The following CRACR2A variants were observed in gnomAD, a reference collection of about 807,000 sequenced individuals.
CRACR2A encodes the protein calcium release activated channel regulator 2A.
CRACR2A carries 79 observed loss-of-function variants against 90.5 expected under a neutral mutation model. The observed-to-expected ratio is 0.87, with a 90% CI of 0.73 to 1.05. The LOEUF (loss-of-function observed/expected upper bound fraction) is 1.05. Ranked by LOEUF, CRACR2A falls within the 50% of genes least tolerant of loss-of-function variation. The pLI is 0.00. For missense variants in CRACR2A, 823 were observed against 897.2 expected (o/e 0.92, Z 1.06); for synonymous variants, 338 against 356.7 (o/e 0.95, Z 0.59).
At chr12:3,737,932 C>A (rs1029653289) in intron 1 of CRACR2A, among the ~76,000 whole-genome samples, 6 of 152,236 alleles carry the variant, frequency 3.9e-5, no homozygotes, top group Non-Finnish European at 8.8e-5. Context: ...AAATAGGCCT[C>A]CTGAAAATCT....
chr12:3,701,042 A>T (rs555432833), intron 3 of CRACR2A, among the ~76,000 whole-genome samples: 3 of 152,186 alleles, frequency 2.0e-5, no homozygotes, highest in Admixed American at 6.5e-5. Flanking sequence ...TTAGAAACCA[A>T]TAACAGAGAG....
chr12:3,738,305 C>T (rs150514203), intron 1 of CRACR2A, among the ~76,000 whole-genome samples: 91 of 152,160 alleles, frequency 6.0e-4, no homozygotes, highest in African/African-American at 1.9e-3. Context: ...AAGGAATTCA[C>T]GGGCCAGGGG....
At position 3,633,986 on chromosome 12, in the gene CRACR2A, T is replaced by C. The variant is rs1944417708; in HGVS notation, c.1603-250A>G. On this transcript the variant is annotated intron_variant, in intron 14 of 19. Coordinates refer to ENST00000440314, the MANE Select transcript of CRACR2A (RefSeq NM_001144958.2). This position sits in a 1 kb window ranked among gnomAD's most constrained non-coding sequence, Gnocchi z 4.5. ...ACCCAAGCGACATTTGCTGTCTGCCTCCTGTGGCAGGGAGGCAGAGGCCAA... is the reference window on the plus strand; with the variant it reads ...ACCCAAGCGACATTTGCTGTCTGCCCCCTGTGGCAGGGAGGCAGAGGCCAA... Among the ~76,000 whole-genome samples the C allele has an allele frequency of 6.6e-6, 1 of 152,128 alleles. No homozygotes were observed.
intron 3 of CRACR2A, among the ~76,000 whole-genome samples, chr12:3,710,762 C>T (rs1461498765): frequency 6.7e-6 from 1 of 149,440 alleles, no homozygotes; most frequent in Non-Finnish European, 1.5e-5. Context: ...CACTGCACTC[C>T]AGCCTGGCGA....
intron 7 of CRACR2A, among the ~76,000 whole-genome samples, chr12:3,663,243 T>C (rs1156841009): frequency 2.0e-5 from 3 of 151,858 alleles, no homozygotes; most frequent in African/African-American, 7.3e-5. Context: ...TCATGGACCA[T>C]TTCGAGGGAA....
At chr12:3,615,502 C>T in intron 19 of CRACR2A, 63 bp from the exon 20 acceptor site, 1 of 1,373,828 alleles carries the variant, frequency 7.3e-7, no homozygotes, top group African/African-American at 1.4e-5. Flanking sequence ...GGCTGGCAAC[C>T]TGGACAAGCT....
intron 5 of CRACR2A, among the ~76,000 whole-genome samples, chr12:3,679,498 A>T (rs772533988): frequency 2.6e-5 from 4 of 152,194 alleles, no homozygotes; most frequent in Non-Finnish European, 5.9e-5. Context: ...TCCCGCTAGC[A>T]TCACTAGACT....
intron 2 of CRACR2A, among the ~76,000 whole-genome samples, chr12:3,723,250 G>A (rs1946210737): frequency 6.6e-6 from 1 of 152,084 alleles, no homozygotes; most frequent in African/African-American, 2.4e-5. Context: ...CCTTTCTCTG[G>A]GTTGGAGCTA....
intron 1 of CRACR2A, among the ~76,000 whole-genome samples, chr12:3,743,501 G>A (rs2137906525): frequency 6.6e-6 from 1 of 152,322 alleles, no homozygotes; most frequent in Non-Finnish European, 1.5e-5. Context: ...TCGGCCCTTT[G>A]TAGGAAGCCA....
chr12:3,640,188 C>T (rs1944539647), intron 13 of CRACR2A, among the ~76,000 whole-genome samples: 1 of 152,256 alleles, frequency 6.6e-6, no homozygotes, highest in South Asian at 2.1e-4. Context: ...CAAGTGCTCT[C>T]TGCCATCCGT....
At chr12:3,640,855 C>A (rs907801047) in intron 13 of CRACR2A, 24 of 1,287,270 alleles carry the variant, frequency 1.9e-5, no homozygotes, top group African/African-American at 1.5e-4. Flanking sequence ...AATGAGCCAA[C>A]CCTTGGGTAC....
chr12:3,749,613 C>T (rs1204303595), intron 1 of CRACR2A, among the ~76,000 whole-genome samples: 1 of 152,188 alleles, frequency 6.6e-6, no homozygotes, highest in African/African-American at 2.4e-5. Flanking sequence ...TACCGTCTGG[C>T]TTTATTGGGA....
chr12:3,743,910 A>C (rs528641621), intron 1 of CRACR2A, among the ~76,000 whole-genome samples: 1 of 152,334 alleles, frequency 6.6e-6, no homozygotes, highest in South Asian at 2.1e-4. Flanking sequence ...GCCAGAGGAC[A>C]CGTCGCAGAA....
intron 12 of CRACR2A, among the ~76,000 whole-genome samples, chr12:3,643,434 G>T (rs10848896): frequency 0.46 from 69,562 of 151,880 alleles, 16,602 homozygotes; most frequent in Admixed American, 0.57. Flanking sequence ...CTTTCCTCGC[G>T]TGACAGCGGA....
At chr12:3,630,257 C>A (rs1402901911) in intron 15 of CRACR2A, among the ~76,000 whole-genome samples, 1 of 152,174 alleles carries the variant, frequency 6.6e-6, no homozygotes, top group Non-Finnish European at 1.5e-5. Flanking sequence ...TCAGGAGCCT[C>A]CTGGCACCTT....
intron 18 of CRACR2A, among the ~76,000 whole-genome samples, chr12:3,617,596 C>T (rs1867714995): frequency 6.6e-6 from 1 of 152,214 alleles, no homozygotes; most frequent in African/African-American, 2.4e-5. Context: ...CTCTAGCTGC[C>T]CTGGCTGTCA....
In CRACR2A at chr12:3,629,398, T is replaced by C. The variant is rs79503591; in HGVS notation, c.1736-1692A>G. The stretch of plus-strand genomic sequence containing the variant: ...CTGGGAGGTGAATCCAAGGGTGAGT[T>C]TTCTTCCTGGCTAGAAGTGGAGGGG... On this transcript the variant is annotated intron_variant, in intron 15 of 19. Coordinates refer to ENST00000440314, the MANE Select transcript of CRACR2A (RefSeq NM_001144958.2). Among the ~76,000 whole-genome samples the C allele has an allele frequency of 5.4e-3, 825 of 152,264 alleles. 8 individuals carry two copies. The highest frequency in any genetic ancestry group is 0.019 in the African/African-American group (775 of 41,556).
chr12:3,659,446 G>A, intron 8 of CRACR2A, 118 bp downstream of exon 8: 1 of 754,500 alleles, frequency 1.3e-6, no homozygotes, highest in Non-Finnish European at 2.2e-6. Flanking sequence ...AAAAAATACA[G>A]CAGAGAAAGA....
intron 3 of CRACR2A, among the ~76,000 whole-genome samples, chr12:3,703,007 G>A (rs1411932280): frequency 6.6e-6 from 1 of 152,156 alleles, no homozygotes. Context: ...ATGATTTTTT[G>A]GCAAAGATGC....
Sources: gnomAD v4.1 joint callset for allele counts (sites outside exome capture counted in the v4.1 genomes callset) on GRCh38, gnomAD v4.1.1 for gene constraint, Gnocchi (gnomAD v3.1) non-coding constraint, MANE v1.5 for transcripts, NCBI Gene and HGNC (gene_info 2026-07-23, HGNC 2026-07-21) for gene names.